GPHN: variants seen among roughly 807,000 people sequenced by gnomAD.
GPHN encodes gephyrin.
A neutral mutation model predicts 95.5 loss-of-function variants in GPHN; 17 were observed. That is an observed-to-expected ratio of 0.18 (90% CI 0.12 to 0.27). The LOEUF is 0.27. GPHN is among the 10% of genes least tolerant of loss of function. GPHN has a pLI of 1.00. For missense variants in GPHN, 660 were observed against 978.1 expected, an observed-to-expected ratio of 0.67 and a Z score of 4.34; for synonymous variants, 320 against 322.5, an observed-to-expected ratio of 0.99 and a Z score of 0.08.
At chr14:67,107,839 G>A (rs2078136119) in intron 13 of GPHN, among the ~76,000 whole-genome samples, 1 of 152,180 alleles carries the variant, frequency 6.6e-6, no homozygotes, top group Admixed American at 6.5e-5. Flanking sequence ...CTATAGTCTA[G>A]CTCCAGAGAA....
the GPHN span, chr14:67,578,746 C>A: frequency 1.4e-6 from 1 of 734,224 alleles, no homozygotes; most frequent in Non-Finnish European, 2.4e-6. The surrounding 1 kb of genome is among the most constrained non-coding windows in gnomAD (Gnocchi z 5.0). Flanking sequence ...TGAAACCGCT[C>A]AGTGGTCGTG....
the GPHN span, among the ~76,000 whole-genome samples, chr14:67,377,934 T>G: frequency 6.6e-6 from 1 of 151,322 alleles, no homozygotes; most frequent in South Asian, 2.1e-4. Context: ...ATAGCAAGAC[T>G]GCCATCTCTA....
chr14:67,323,561 C>T, the GPHN span: 1 of 251,412 alleles, frequency 4.0e-6, no homozygotes, highest in Non-Finnish European at 7.4e-6. Flanking sequence ...TTGCAGAGAG[C>T]TGTGATCACA....
At chr14:67,302,558 T>C in the GPHN span, 1 of 1,515,866 alleles carries the variant, frequency 6.6e-7, no homozygotes, top group Non-Finnish European at 8.8e-7. Flanking sequence ...GTCAATGAGG[T>C]TTTTGACTTG....
At chr14:67,581,150 A>C in the GPHN span, 1 of 698,482 alleles carries the variant, frequency 1.4e-6, no homozygotes, top group Non-Finnish European at 2.6e-6. Flanking sequence ...ACCCACAGAT[A>C]TAACACTGCC....
intron 12 of GPHN, among the ~76,000 whole-genome samples, chr14:67,094,039 A>G (rs917922856): frequency 6.6e-6 from 1 of 152,082 alleles, no homozygotes; most frequent in Non-Finnish European, 1.5e-5. Context: ...ATGTGCTCTA[A>G]TTTGTTCAGC....
chr14:67,383,163 T>G, the GPHN span: 4 of 778,162 alleles, frequency 5.1e-6, no homozygotes, highest in Non-Finnish European at 7.8e-6. Flanking sequence ...TGTAATGGAA[T>G]TTATTGCTGA....
At chr14:67,010,241 A>G (rs1402030061) in intron 9 of GPHN, among the ~76,000 whole-genome samples, 8 of 151,958 alleles carry the variant, frequency 5.3e-5, no homozygotes, top group African/African-American at 1.9e-4. Flanking sequence ...AGGGAGTTCT[A>G]CAGATAATAT....
intron 6 of GPHN, among the ~76,000 whole-genome samples, chr14:66,921,060 T>C (rs1344874282): frequency 2.0e-5 from 3 of 152,220 alleles, no homozygotes; most frequent in African/African-American, 7.2e-5. Context: ...TATAAACATG[T>C]GTGTGCAAGT....
chr14:66,677,963 G>C (rs541997686), intron 1 of GPHN, among the ~76,000 whole-genome samples: 6 of 152,152 alleles, frequency 3.9e-5, no homozygotes, highest in Non-Finnish European at 5.9e-5. Context: ...GAAATTTACT[G>C]TTAGTCTGAA....
chr14:67,376,119 T>C, the GPHN span, among the ~76,000 whole-genome samples: 2 of 151,820 alleles, frequency 1.3e-5, no homozygotes, highest in Non-Finnish European at 2.9e-5. Context: ...ATAGCCGTTT[T>C]CCATTTATAG....
intron 2 of GPHN, among the ~76,000 whole-genome samples, chr14:66,767,441 G>T (rs76356976): frequency 4.1e-5 from 4 of 96,914 alleles, no homozygotes; most frequent in East Asian, 2.4e-4. Context: ...TTTTTGAACA[G>T]AAAAAAAAAA....
At chr14:66,772,269 T>A (rs2059208862) in intron 2 of GPHN, among the ~76,000 whole-genome samples, 1 of 152,246 alleles carries the variant, frequency 6.6e-6, no homozygotes, top group African/African-American at 2.4e-5. Flanking sequence ...ACTGCTACCA[T>A]TCTGGGAGAA....
At chr14:67,571,930 TGCA>T in the GPHN span, 1 of 1,584,406 alleles carries the variant, frequency 6.3e-7, no homozygotes, top group South Asian at 1.1e-5. Flanking sequence ...AGGGGCAGGG[TGCA>T]GCAGCAAGGA....
chr14:67,542,888 C>T, the GPHN span, among the ~76,000 whole-genome samples: 1 of 151,984 alleles, frequency 6.6e-6, no homozygotes, highest in Admixed American at 6.6e-5. Flanking sequence ...TTAGTAGAGA[C>T]GTGGTTTCTC....
chr14:67,679,887 T>C, the GPHN span, among the ~76,000 whole-genome samples: 3 of 152,230 alleles, frequency 2.0e-5, no homozygotes, highest in African/African-American at 7.2e-5. Context: ...TTTAAAAGTA[T>C]ACTATTTCAA....
the GPHN span, chr14:67,471,243 T>G: frequency 6.6e-6 from 1 of 152,204 alleles, no homozygotes; most frequent in East Asian, 1.9e-4. Context: ...CAGCAAGACC[T>G]GGTGGGCCAA....
intron 1 of GPHN, among the ~76,000 whole-genome samples, chr14:66,515,455 A>T (rs947791649): frequency 6.6e-6 from 1 of 152,142 alleles, no homozygotes; most frequent in Non-Finnish European, 1.5e-5. Flanking sequence ...TGTGTTTGAG[A>T]TGTTTTATAG....
chr14:67,563,439 GGT>G, the GPHN span, among the ~76,000 whole-genome samples: 5 of 151,538 alleles, frequency 3.3e-5, no homozygotes, highest in African/African-American at 1.2e-4. Flanking sequence ...TTTTTTGGGG[GGT>G]GGGGGTGAGG....
Sources: gnomAD v4.1 joint callset for allele counts (sites outside exome capture counted in the v4.1 genomes callset) on GRCh38, gnomAD v4.1.1 for gene constraint, Gnocchi (gnomAD v3.1) non-coding constraint, MANE v1.5 for transcripts, NCBI Gene and HGNC (gene_info 2026-07-23, HGNC 2026-07-21) for gene names.